Variants in FAM13B observed in about 807,000 individuals in gnomAD.
The protein encoded by FAM13B is family with sequence similarity 13 member B.
FAM13B carries 60 observed loss-of-function variants against 117.3 expected under a neutral mutation model. That is an observed-to-expected ratio of 0.51 (90% CI 0.42 to 0.63). The LOEUF (loss-of-function observed/expected upper bound fraction) is 0.63. FAM13B is among the 30% of genes least tolerant of loss of function. FAM13B has a pLI of 0.00. For missense variants in FAM13B, 972 were observed against 1,091.9 expected (o/e 0.89, Z 1.55); for synonymous variants, 332 against 356.1 (o/e 0.93, Z 0.76).
chr5:137,940,879 A>G (rs533499089), intron 23 of FAM13B, among the ~76,000 whole-genome samples: 1 of 152,312 alleles, frequency 6.6e-6, no homozygotes, highest in South Asian at 2.1e-4. Flanking sequence ...AACAGTAGAC[A>G]CTTGGAAAAA....
chr5:138,020,107 C>T, intron 2 of FAM13B: 1 of 643,318 alleles, frequency 1.6e-6, no homozygotes, highest in Non-Finnish European at 1.9e-6. Flanking sequence ...TTTGCCCAGG[C>T]TGGAGTGCAA....
chr5:137,989,576 G>A (rs192945804), intron 7 of FAM13B, among the ~76,000 whole-genome samples: 155 of 152,218 alleles, frequency 1.0e-3, no homozygotes, highest in Non-Finnish European at 1.1e-3. Context: ...TGTAATCCCA[G>A]CACTTTGGGA....
chr5:137,959,013 A>G lies in FAM13B; in HGVS notation c.1441+603T>C, dbSNP rs551721516. 1.4e-4 allele frequency among the ~76,000 whole-genome samples: 21 copies of G among 152,336 alleles called. No individual in the cohort carries two copies. The South Asian group carries it at 4.1e-3, about 30-fold the overall frequency. ...AGTAAAAAGAGAACTTTATATACAA[A>G]GAAACACAAAAATCTATGTATTTGC... is the stretch of plus-strand genomic sequence containing the variant. On this transcript the variant is annotated intron_variant, in intron 13 of 23. Transcript: ENST00000689681.
intron 20 of FAM13B, among the ~76,000 whole-genome samples, chr5:137,944,988 G>A (rs760653654): frequency 1.1e-4 from 16 of 151,984 alleles, no homozygotes; most frequent in African/African-American, 3.9e-4. Context: ...AATGAAAAAT[G>A]TTGTGCACTA....
chr5:137,992,300 A>G (rs1178703178), intron 7 of FAM13B, among the ~76,000 whole-genome samples: 1 of 132,518 alleles, frequency 7.5e-6, no homozygotes, highest in Non-Finnish European at 1.7e-5. Flanking sequence ...CAAAGAATTG[A>G]AAAAAAAAAA....
At position 138,021,006 on chromosome 5, in the gene FAM13B, G is replaced by T. The variant is rs868833365; in HGVS notation, c.-36+25C>A. ...ATCTCTATGGATTTATAGAGCACGA[G>T]ATAGTTACCATTTTGAAAACTTACC... On this transcript the variant is annotated intron_variant, in intron 2 of 23. Coordinates refer to ENST00000689681, the MANE Select transcript of FAM13B (RefSeq NM_001385994.1). The T allele has an allele frequency of 7.5e-5, 92 of 1,227,804 alleles. No homozygotes were observed. The Middle Eastern group carries it at 1.2e-3, about 17-fold the overall frequency. The allele number at this position is 1,227,804 out of a possible 1,614,324, so 76.1% of individuals were successfully genotyped here. A position where few individuals can be genotyped will look rare whatever the true frequency, so the allele number is the denominator to read the frequency against.
chr5:137,979,700 G>A (rs1176440823), intron 10 of FAM13B, among the ~76,000 whole-genome samples: 3 of 151,922 alleles, frequency 2.0e-5, no homozygotes, highest in Admixed American at 2.0e-4. Context: ...ACCAAATCCA[G>A]CCCTATAAAA....
chr5:137,979,999 TAAAAA>T (rs10709915), intron 10 of FAM13B, among the ~76,000 whole-genome samples: 2 of 95,560 alleles, frequency 2.1e-5, no homozygotes, highest in Non-Finnish European at 2.1e-5. Flanking sequence ...CTGTCTCTAC[TAAAAA>T]AAAAAAAAAA....
chr5:137,939,741 C>A lies in FAM13B; in HGVS notation c.*484G>T. The A allele has an allele frequency of 3.7e-6, 2 of 534,852 alleles. No individual in the cohort carries two copies. Among genetic ancestry groups the A allele is most frequent in the Non-Finnish European group, 5.0e-6 (2 of 403,478 alleles). The allele number at this position is 534,852 out of a possible 1,614,324, so 33.1% of individuals were successfully genotyped here. A position where few individuals can be genotyped will look rare whatever the true frequency, so the allele number is the denominator to read the frequency against. On this transcript the variant is annotated 3_prime_UTR_variant, in exon 24 of 24. Transcript: ENST00000689681. ...GTTTGATTTTGGTTTTCTAGGAAAA[C>A]AGAGAACACAGTTGCGTATGTGCAC...
intron 10 of FAM13B, among the ~76,000 whole-genome samples, chr5:137,983,175 G>GT: frequency 2.8e-5 from 1 of 35,718 alleles, no homozygotes; most frequent in African/African-American, 1.2e-4. Flanking sequence ...GCCAGTGTAG[G>GT]TAAAAAAAAA....
chr5:138,023,974 T>A (rs1267743931), intron 1 of FAM13B, among the ~76,000 whole-genome samples: 1 of 152,202 alleles, frequency 6.6e-6, no homozygotes, highest in African/African-American at 2.4e-5. Flanking sequence ...TTGGGACTTG[T>A]ATCTAGAGCA....
chr5:138,036,789 T>G (rs1256242311), upstream of FAM13B: 1 of 355,366 alleles, frequency 2.8e-6, no homozygotes, highest in East Asian at 7.4e-5. Flanking sequence ...TTGCTTCAGT[T>G]AAAACAGTGG....
At chr5:138,045,858 T>C (rs1265383511) in intron 1 of FAM13B, among the ~76,000 whole-genome samples, 1 of 150,634 alleles carries the variant, frequency 6.6e-6, no homozygotes, top group African/African-American at 2.5e-5. Context: ...GGCAGGAGAA[T>C]CACTTGAACC....
intron 1 of FAM13B, among the ~76,000 whole-genome samples, chr5:138,022,781 G>A (rs1787114899): frequency 6.6e-6 from 1 of 151,896 alleles, no homozygotes; most frequent in African/African-American, 2.4e-5. Flanking sequence ...TCACTAAAAT[G>A]GCTACTCAGT....
At chr5:137,953,933 A>G (rs1765719929) in intron 15 of FAM13B, among the ~76,000 whole-genome samples, 1 of 152,058 alleles carries the variant, frequency 6.6e-6, no homozygotes, top group Admixed American at 6.6e-5. Context: ...CAAACGCTAC[A>G]CCTCACTGAA....
At chr5:137,992,608 T>TA (rs1004104028) in intron 7 of FAM13B, among the ~76,000 whole-genome samples, 7 of 149,606 alleles carry the variant, frequency 4.7e-5, no homozygotes, top group East Asian at 1.9e-4. Flanking sequence ...AAATAAAAAA[T>TA]AAAAAAAAAC....
At chr5:137,999,814 T>C (rs1326488152) in intron 7 of FAM13B, among the ~76,000 whole-genome samples, 1 of 152,140 alleles carries the variant, frequency 6.6e-6, no homozygotes, top group Non-Finnish European at 1.5e-5. Context: ...GTGTTACCAC[T>C]GAGTGAAAGG....
chr5:138,026,798 G>A (rs759469249), intron 1 of FAM13B, among the ~76,000 whole-genome samples: 1 of 151,650 alleles, frequency 6.6e-6, no homozygotes, highest in Non-Finnish European at 1.5e-5. Flanking sequence ...AATTAGCTGA[G>A]CATGGTGGCA....
At chr5:138,032,706 G>C (rs964485198) in intron 1 of FAM13B, 76 bp downstream of exon 1, 3 of 985,048 alleles carry the variant, frequency 3.0e-6, no homozygotes, top group African/African-American at 3.5e-5. Flanking sequence ...GGCGCTGGGG[G>C]GCAACAGGAG....
Sources: allele counts gnomAD v4.1 joint callset (sites outside exome capture counted in the v4.1 genomes callset), GRCh38; gene constraint gnomAD v4.1.1; transcripts MANE v1.5; gene names NCBI Gene and HGNC (gene_info 2026-07-23, HGNC 2026-07-21).